ADAMTS3: variants seen among roughly 807,000 people sequenced by gnomAD.
ADAMTS3 encodes A disintegrin and metalloproteinase with thrombospondin motifs 3.
A neutral mutation model predicts 129.0 loss-of-function variants in ADAMTS3; 73 were observed. The ratio of observed to expected loss-of-function variants is 0.57; its 90% CI spans 0.47 to 0.69. The LOEUF is 0.69. ADAMTS3 is among the 30% of genes least tolerant of loss of function. The pLI is 0.00. For missense variants in ADAMTS3, 1,457 were observed against 1,514.5 expected (o/e 0.96, Z 0.63); for synonymous variants, 477 against 510.8 (o/e 0.93, Z 0.89).
chr4:72,395,242 T>C (rs188034448), intron 4 of ADAMTS3, among the ~76,000 whole-genome samples: 1 of 152,314 alleles, frequency 6.6e-6, no homozygotes, highest in Non-Finnish European at 1.5e-5. Flanking sequence ...GCAAATTAGA[T>C]TATCTAAAGA....
intron 17 of ADAMTS3, among the ~76,000 whole-genome samples, chr4:72,298,867 T>G (rs1578561127): frequency 6.6e-6 from 1 of 151,926 alleles, no homozygotes; most frequent in East Asian, 1.9e-4. Context: ...ATTTAAAAAT[T>G]TTGGTGCATT....
intron 5 of ADAMTS3, among the ~76,000 whole-genome samples, chr4:72,334,771 A>C (rs2109826362): frequency 6.6e-6 from 1 of 152,238 alleles, no homozygotes; most frequent in East Asian, 1.9e-4. Context: ...ATATAACAAG[A>C]TATGATATGG....
chr4:72,560,488 T>C (rs953816613), intron 2 of ADAMTS3, among the ~76,000 whole-genome samples: 12 of 152,174 alleles, frequency 7.9e-5, no homozygotes, highest in African/African-American at 2.4e-4. Context: ...ATATACACCA[T>C]GGAATACTAT....
At chr4:72,367,977 C>A (rs1305233222) in intron 4 of ADAMTS3, among the ~76,000 whole-genome samples, 1 of 151,588 alleles carries the variant, frequency 6.6e-6, no homozygotes, top group African/African-American at 2.4e-5. Context: ...ATTTAAAAAA[C>A]AATAATTATA....
At chr4:72,518,571 G>C (rs995973701) in intron 3 of ADAMTS3, among the ~76,000 whole-genome samples, 12 of 152,046 alleles carry the variant, frequency 7.9e-5, no homozygotes, top group African/African-American at 2.9e-4. Context: ...TTGTTGAATT[G>C]ATCCCTTTAC....
At position 72,534,393 on chromosome 4, in the gene ADAMTS3, A is replaced by G. The variant is rs1338420927; in HGVS notation, c.504+14085T>C. Among the ~76,000 whole-genome samples the G allele has an allele frequency of 7.2e-5, 11 of 152,280 alleles. No homozygotes were observed. In the East Asian group the frequency reaches 2.1e-3, roughly 29 times the overall value. On this transcript the variant is annotated intron_variant, in intron 3 of 21. Transcript: ENST00000286657. ...AACCTCAAAAACTTAATAGTTAATGATTTCCTAATTCTAGCTCCCTAGATC... is the reference window on the plus strand; with the variant it reads ...AACCTCAAAAACTTAATAGTTAATGGTTTCCTAATTCTAGCTCCCTAGATC...
chr4:72,391,525 G>A (rs561877953), intron 4 of ADAMTS3, among the ~76,000 whole-genome samples: 1 of 152,268 alleles, frequency 6.6e-6, no homozygotes, highest in Non-Finnish European at 1.5e-5. Flanking sequence ...AGGGCTGGAT[G>A]GGAGGTCAGG....
intron 3 of ADAMTS3, among the ~76,000 whole-genome samples, chr4:72,498,631 T>C (rs1578736021): frequency 6.6e-6 from 1 of 150,594 alleles, no homozygotes; most frequent in Non-Finnish European, 1.5e-5. Context: ...CCTCTCTCTC[T>C]CTCACTCTCT....
chr4:72,548,419 A>G, intron 3 of ADAMTS3, 59 bp downstream of exon 3: 1 of 1,545,692 alleles, frequency 6.5e-7, no homozygotes, highest in Non-Finnish European at 8.8e-7. Context: ...AACTATGCAG[A>G]AGCCATGGCT....
At chr4:72,398,230 T>C (rs1159434950) in intron 4 of ADAMTS3, among the ~76,000 whole-genome samples, 2 of 152,044 alleles carry the variant, frequency 1.3e-5, no homozygotes, top group Non-Finnish European at 2.9e-5. Flanking sequence ...ACAAAAAATG[T>C]TCTTTAGAGA....
chr4:72,539,082 G>A (rs1721252367), intron 3 of ADAMTS3, among the ~76,000 whole-genome samples: 1 of 151,714 alleles, frequency 6.6e-6, no homozygotes, highest in Non-Finnish European at 1.5e-5. Flanking sequence ...TATATATATA[G>A]GGCAAAAGCT....
At chr4:72,419,601 G>T (rs749888703) in intron 3 of ADAMTS3, among the ~76,000 whole-genome samples, 8 of 152,130 alleles carry the variant, frequency 5.3e-5, no homozygotes, top group African/African-American at 1.9e-4. Flanking sequence ...TTCTTAAAAC[G>T]TTATGAGATT....
At chr4:72,371,329 TAAG>T (rs1300914256) in intron 4 of ADAMTS3, among the ~76,000 whole-genome samples, 1 of 151,916 alleles carries the variant, frequency 6.6e-6, no homozygotes, top group Non-Finnish European at 1.5e-5. Flanking sequence ...TCATGCTGCA[TAAG>T]AAGGTTAAAA....
intron 3 of ADAMTS3, among the ~76,000 whole-genome samples, chr4:72,518,998 G>A (rs1048384141): frequency 1.9e-4 from 29 of 151,642 alleles, no homozygotes; most frequent in Non-Finnish European, 3.2e-4. Flanking sequence ...TCCATGTTTA[G>A]TGCTTCCTTC....
At chr4:72,342,766 C>T (rs1221291793) in intron 4 of ADAMTS3, among the ~76,000 whole-genome samples, 2 of 152,062 alleles carry the variant, frequency 1.3e-5, no homozygotes, top group Non-Finnish European at 2.9e-5. Flanking sequence ...CCGACTGACC[C>T]CAACCAAATG....
intron 5 of ADAMTS3, among the ~76,000 whole-genome samples, chr4:72,338,665 G>A (rs926986815): frequency 2.0e-5 from 3 of 151,934 alleles, no homozygotes; most frequent in African/African-American, 7.2e-5. Flanking sequence ...AGGGTGGGTT[G>A]AGAGATAGGG....
chr4:72,326,266 T>C (rs1372068043), intron 5 of ADAMTS3, among the ~76,000 whole-genome samples: 1 of 152,158 alleles, frequency 6.6e-6, no homozygotes, highest in Non-Finnish European at 1.5e-5. Flanking sequence ...ACCAGCTGTC[T>C]GTACTGTACA....
At chr4:72,386,073 A>G (rs1721439591) in intron 4 of ADAMTS3, among the ~76,000 whole-genome samples, 1 of 152,124 alleles carries the variant, frequency 6.6e-6, no homozygotes, top group East Asian at 1.9e-4. Flanking sequence ...ATATGGGTAT[A>G]TACTTGCTAT....
At chr4:72,369,652 A>C (rs1720954778) in intron 4 of ADAMTS3, among the ~76,000 whole-genome samples, 1 of 151,962 alleles carries the variant, frequency 6.6e-6, no homozygotes, top group Non-Finnish European at 1.5e-5. Context: ...CGGAGGTTGC[A>C]GTTAGCCAAG....
Sources: gnomAD v4.1 joint callset for allele counts (sites outside exome capture counted in the v4.1 genomes callset) on GRCh38, gnomAD v4.1.1 for gene constraint, MANE v1.5 for transcripts, NCBI Gene and HGNC (gene_info 2026-07-23, HGNC 2026-07-21) for gene names.